The following PABPC4L variants were observed in gnomAD, a reference collection of about 807,000 sequenced individuals.
PABPC4L encodes the protein poly(A) binding protein cytoplasmic 4 like.
For missense variants in PABPC4L, 452 were observed against 451.4 expected (o/e 1.00, Z -0.01); for synonymous variants, 169 against 164.1 (o/e 1.03, Z -0.23).
chr4:134,169,956 A>G, the PABPC4L span, among the ~76,000 whole-genome samples: 1 of 152,150 alleles, frequency 6.6e-6, no homozygotes, highest in Admixed American at 6.6e-5. Flanking sequence ...TGTTTGGTAT[A>G]CAAATAATCT....
the PABPC4L span, among the ~76,000 whole-genome samples, chr4:134,123,957 T>C: frequency 5.9e-5 from 9 of 152,190 alleles, no homozygotes; most frequent in African/African-American, 2.2e-4. Context: ...AATTTTGTGA[T>C]GTCTCAGAAA....
the PABPC4L span, among the ~76,000 whole-genome samples, chr4:134,165,618 T>G: frequency 6.6e-6 from 1 of 152,264 alleles, no homozygotes; most frequent in South Asian, 2.1e-4. Flanking sequence ...TGACCATTAT[T>G]GAGAAGTCAA....
At chr4:134,094,535 A>T in the PABPC4L span, among the ~76,000 whole-genome samples, 1 of 152,044 alleles carries the variant, frequency 6.6e-6, no homozygotes, top group African/African-American at 2.4e-5. Flanking sequence ...AAATTAGTTT[A>T]ATAACATTAA....
At chr4:133,951,350 C>T in the PABPC4L span, among the ~76,000 whole-genome samples, 1 of 152,164 alleles carries the variant, frequency 6.6e-6, no homozygotes, top group Non-Finnish European at 1.5e-5. Context: ...AAGACCAAAT[C>T]ATCTTTTCTA....
At chr4:134,091,783 T>C in the PABPC4L span, among the ~76,000 whole-genome samples, 428 of 152,122 alleles carry the variant, frequency 2.8e-3, no homozygotes, top group South Asian at 6.2e-3. Flanking sequence ...CATGATTACA[T>C]CTAATAATCT....
At chr4:134,013,704 C>T in the PABPC4L span, among the ~76,000 whole-genome samples, 4 of 152,066 alleles carry the variant, frequency 2.6e-5, no homozygotes, top group Non-Finnish European at 4.4e-5. Context: ...GTCTCTGTTC[C>T]CAATGCAACT....
the PABPC4L span, among the ~76,000 whole-genome samples, chr4:134,086,740 G>T: frequency 3.7e-3 from 550 of 149,960 alleles, 5 homozygotes; most frequent in Middle Eastern, 0.024. Context: ...TTTTTTTCTG[G>T]ATGATAGGGT....
chr4:133,982,234 CTTA>C, the PABPC4L span, among the ~76,000 whole-genome samples: 1 of 151,862 alleles, frequency 6.6e-6, no homozygotes, highest in African/African-American at 2.4e-5. Flanking sequence ...GATGAAGCAG[CTTA>C]TTTTTTTAAT....
chr4:134,149,391 TC>T, the PABPC4L span, among the ~76,000 whole-genome samples: 7 of 152,276 alleles, frequency 4.6e-5, no homozygotes, highest in African/African-American at 1.7e-4. Context: ...CTGGGGTTGA[TC>T]AACGGCATGT....
At chr4:133,974,114 A>G in the PABPC4L span, among the ~76,000 whole-genome samples, 2 of 152,198 alleles carry the variant, frequency 1.3e-5, no homozygotes, top group Non-Finnish European at 2.9e-5. Context: ...AAAAGTTGCT[A>G]CAAATTGCAG....
the PABPC4L span, among the ~76,000 whole-genome samples, chr4:134,110,991 G>A: frequency 6.6e-6 from 1 of 151,966 alleles, no homozygotes. Context: ...TAGTCCATTT[G>A]TGCTGCTACT....
chr4:134,166,645 T>C, the PABPC4L span, among the ~76,000 whole-genome samples: 9 of 152,230 alleles, frequency 5.9e-5, no homozygotes, highest in African/African-American at 2.2e-4. Context: ...ACAGAGCTGA[T>C]TTTCTGGAGG....
rs1171050380 is a variant in PABPC4L at position 134,198,154 on chromosome 4, G to C, written c.*1753C>G. ...ATTATAAGACAAATAATTATTGTGA[G>C]CATAAAAGTTGACCATAGCATATTG... On this transcript the variant is annotated 3_prime_UTR_variant, in exon 2 of 2. Coordinates refer to ENST00000421491, the MANE Select transcript of PABPC4L (RefSeq NM_001114734.2). The C allele has an allele frequency of 6.6e-6, 1 of 151,532 alleles. No homozygotes were observed. Among genetic ancestry groups the C allele is most frequent in the Admixed American group, 6.6e-5 (1 of 15,236 alleles). 9.4% of individuals were successfully genotyped at this position (151,532 alleles called of 1,614,324 possible).
downstream of PABPC4L, among the ~76,000 whole-genome samples, chr4:134,194,408 T>C (rs1729599406): frequency 6.6e-6 from 1 of 151,776 alleles, no homozygotes; most frequent in South Asian, 2.1e-4. Flanking sequence ...GATTTTTCCT[T>C]GAAAAACAAC....
the PABPC4L span, among the ~76,000 whole-genome samples, chr4:134,009,094 A>G: frequency 2.0e-5 from 3 of 151,974 alleles, no homozygotes; most frequent in African/African-American, 7.2e-5. Context: ...TGTACTTGTA[A>G]TTTTATCCTT....
the PABPC4L span, among the ~76,000 whole-genome samples, chr4:134,144,960 GA>G: frequency 6.6e-6 from 1 of 151,704 alleles, no homozygotes; most frequent in Non-Finnish European, 1.5e-5. Context: ...GACAAAACAT[GA>G]AATAACTGCA....
chr4:134,049,608 A>G, the PABPC4L span, among the ~76,000 whole-genome samples: 2 of 152,128 alleles, frequency 1.3e-5, no homozygotes, highest in African/African-American at 4.8e-5. Flanking sequence ...TCATCATGTA[A>G]CTGTTGAAAA....
the PABPC4L span, among the ~76,000 whole-genome samples, chr4:134,116,536 G>C: frequency 6.6e-6 from 1 of 151,600 alleles, no homozygotes; most frequent in Admixed American, 6.6e-5. Flanking sequence ...TTAACCTAAT[G>C]ACCAACTGAA....
chr4:134,093,191 A>G, the PABPC4L span, among the ~76,000 whole-genome samples: 1 of 151,004 alleles, frequency 6.6e-6, no homozygotes, highest in Non-Finnish European at 1.5e-5. Context: ...ATTCTCTAAC[A>G]TTAATTTTTC....
Sources: gnomAD v4.1 joint callset for allele counts (sites outside exome capture counted in the v4.1 genomes callset) on GRCh38, gnomAD v4.1.1 for gene constraint, MANE v1.5 for transcripts, NCBI Gene and HGNC (gene_info 2026-07-23, HGNC 2026-07-21) for gene names.